Variants in TPCN1 observed in about 807,000 individuals in gnomAD.
TPCN1 encodes the protein two pore channel protein 1.
In TPCN1, 52 loss-of-function variants were observed where a neutral mutation model predicts 108.8. That is an observed-to-expected ratio of 0.48 (90% CI 0.38 to 0.60). TPCN1 has a LOEUF of 0.60. TPCN1 is among the 20% of genes least tolerant of loss of function. The pLI is 0.00. For missense variants in TPCN1, 806 were observed against 1,072.8 expected, an observed-to-expected ratio of 0.75 and a Z score of 3.47; for synonymous variants, 446 against 433.7, an observed-to-expected ratio of 1.03 and a Z score of -0.35.
chr12:113,287,186 A>G (rs1231184991), intron 19 of TPCN1, 92 bp downstream of exon 19: 2 of 1,086,510 alleles, frequency 1.8e-6, no homozygotes, highest in African/African-American at 3.1e-5. Context: ...AGAATGAGCC[A>G]GAAGGTTCAC....
At chr12:113,225,624 G>A (rs954417034) in intron 1 of TPCN1, among the ~76,000 whole-genome samples, 2 of 151,678 alleles carry the variant, frequency 1.3e-5, no homozygotes, top group Admixed American at 6.6e-5. Flanking sequence ...GCTCTATCTC[G>A]GTTCACTGCA....
intron 12 of TPCN1, 74 bp from the exon 13 acceptor site, chr12:113,278,115 A>T: frequency 1.5e-6 from 2 of 1,330,776 alleles, no homozygotes; most frequent in South Asian, 2.4e-5. Context: ...GTCCATAGGC[A>T]GGCAAGTAAG....
At position 113,226,797 on chromosome 12, in the gene TPCN1, C is replaced by G; in HGVS notation, c.-56C>G. On this transcript the variant is annotated 5_prime_UTR_variant, in exon 2 of 28. Coordinates refer to ENST00000335509, the MANE Select transcript of TPCN1 (RefSeq NM_017901.6). ...AGTGGCTTTGAAAGGGAGCTCAAAC[C>G]AGAGACTATTTCAAGCCCTGGATAT... The G allele has an allele frequency of 6.2e-7, 1 of 1,611,746 alleles. No individual in the cohort carries two copies. Among genetic ancestry groups the G allele is most frequent in the South Asian group, 1.1e-5 (1 of 90,568 alleles).
chr12:113,265,640 G>A (rs1028551142), intron 3 of TPCN1, among the ~76,000 whole-genome samples: 5 of 150,532 alleles, frequency 3.3e-5, no homozygotes, highest in Admixed American at 2.0e-4. Flanking sequence ...TTGACCTCCC[G>A]GGCTCAAGTG....
chr12:113,277,628 G>A (rs1955719958), intron 12 of TPCN1, among the ~76,000 whole-genome samples: 1 of 152,152 alleles, frequency 6.6e-6, no homozygotes, highest in Non-Finnish European at 1.5e-5. Flanking sequence ...GCTGGCCCTC[G>A]AACCCCCAGT....
chr12:113,227,435 G>A (rs1303564665), intron 2 of TPCN1, among the ~76,000 whole-genome samples: 1 of 152,190 alleles, frequency 6.6e-6, no homozygotes, highest in East Asian at 1.9e-4. Flanking sequence ...GCGGGGAAGA[G>A]GGCGAGTGTT....
chr12:113,249,447 C>G (rs565633992), intron 2 of TPCN1: 1 of 152,216 alleles, frequency 6.6e-6, no homozygotes, highest in Non-Finnish European at 1.5e-5. Flanking sequence ...CTAGACCTGG[C>G]GCTGTAACCA....
intron 2 of TPCN1, among the ~76,000 whole-genome samples, chr12:113,244,060 C>T (rs955163644): frequency 2.0e-5 from 3 of 152,248 alleles, no homozygotes; most frequent in African/African-American, 7.2e-5. Flanking sequence ...TGCCCCATCC[C>T]CTGCCAGTTC....
intron 17 of TPCN1, among the ~76,000 whole-genome samples, chr12:113,285,383 T>C (rs1956035796): frequency 8.3e-6 from 1 of 121,148 alleles, no homozygotes. Flanking sequence ...TTCTCTCTCT[T>C]TTTTTGGGGC....
At chr12:113,282,949 C>T (rs565806231) in intron 15 of TPCN1, among the ~76,000 whole-genome samples, 19 of 151,856 alleles carry the variant, frequency 1.3e-4, no homozygotes, top group African/African-American at 4.3e-4. Context: ...TAGCCATGCA[C>T]GCCTGTGGTC....
rs2136743033 is a variant in TPCN1, at chr12:113,288,074, G to A, written c.1635-89G>A. On this transcript the variant is annotated intron_variant, in intron 19 of 27. Transcript: ENST00000335509. This position sits in a 1 kb window ranked among gnomAD's most constrained non-coding sequence, Gnocchi z 4.8. ...GGCCCTCACCTGTCTTCACCGCATG[G>A]CGTGTGGAAGGCGGGGCCGGCATGT... The A allele has an allele frequency of 1.5e-6, 2 of 1,297,410 alleles. No individual in the cohort carries two copies. Among genetic ancestry groups the A allele is most frequent in the Admixed American group, 1.9e-5 (1 of 53,470 alleles). The allele number at this position is 1,297,410 out of a possible 1,614,324, so 80.4% of individuals were successfully genotyped here. A position where few individuals can be genotyped will look rare whatever the true frequency, so the allele number is the denominator to read the frequency against.
In TPCN1 at chr12:113,268,744, C is replaced by T. The variant is rs1462177300; in HGVS notation, c.531C>T (p.Thr177=). 1 of 1,613,460 alleles carries T rather than the reference C, an allele frequency of 6.2e-7. No individual in the cohort carries two copies. Residue 177 remains threonine (T), a splice_region_variant and synonymous_variant, in exon 6 of 28, where the codon ACC becomes ACT. Coordinates refer to ENST00000335509, the MANE Select transcript of TPCN1 (RefSeq NM_017901.6). This position sits in a 1 kb window ranked among gnomAD's most constrained non-coding sequence, Gnocchi z 7.3. ...FIRHKRTMVK[T]SVLVVQFVEA... is the part of the protein sequence containing the mutation. ...TGCTCCATGCCTGCCACCCACAGAC[C>T]TCGGTGCTGGTGGTGCAGTTTGTCG...
intron 2 of TPCN1, among the ~76,000 whole-genome samples, chr12:113,243,199 A>T (rs943725634): frequency 6.6e-6 from 1 of 151,412 alleles, no homozygotes; most frequent in Admixed American, 6.6e-5. Flanking sequence ...GTGAAACCCC[A>T]TCTCTACTAA....
In TPCN1 at chr12:113,232,410, C is replaced by T. The variant is rs780510869; in HGVS notation, c.112+5446C>T. On this transcript the variant is annotated intron_variant, in intron 2 of 27. Transcript: ENST00000335509. This position sits in a 1 kb window ranked among gnomAD's most constrained non-coding sequence, Gnocchi z 5.6. The stretch of plus-strand genomic sequence containing the variant: ...GTCAAGGTGGGCCAGAGCTGTTGGC[C>T]GCAGGGCCGCCGTAGCCAGGAGGAG... 2.6e-5 allele frequency among the ~76,000 whole-genome samples: 4 copies of T among 152,240 alleles called. No individual in the cohort carries two copies. The highest frequency in any genetic ancestry group is 2.1e-4 in the South Asian group (1 of 4,838).
chr12:113,270,807 T>C (rs1262656301), intron 7 of TPCN1, among the ~76,000 whole-genome samples: 1 of 152,080 alleles, frequency 6.6e-6, no homozygotes, highest in African/African-American at 2.4e-5. Flanking sequence ...GGGGCACTAA[T>C]CCCATTCGGG....
intron 1 of TPCN1, among the ~76,000 whole-genome samples, chr12:113,226,354 C>T (rs1408589470): frequency 1.3e-5 from 2 of 152,200 alleles, no homozygotes; most frequent in Non-Finnish European, 2.9e-5. Context: ...GATCTCTGCT[C>T]ACTGCAGCTT....
Position 113,273,599 on chromosome 12 carries a change from C to G in TPCN1, c.873C>G (p.Ser291=). 3.1e-6 allele frequency: 5 copies of G among 1,614,198 alleles called. No homozygotes were observed. The highest frequency in any genetic ancestry group is 4.2e-6 in the Non-Finnish European group (5 of 1,180,022). Reference sequence around the variant, plus strand: ...CAGATGTGATGATGCCCTCCTACTCCCGGAACCCCTGGTCCTGCGTCTTCT... The same window carrying G: ...CAGATGTGATGATGCCCTCCTACTCGCGGAACCCCTGGTCCTGCGTCTTCT... ...NFPDVMMPSY[S]RNPWSCVFFI... Residue 291 remains serine, a synonymous_variant, in exon 10 of 28, where the codon TCC becomes TCG. Coordinates refer to ENST00000335509, the MANE Select transcript of TPCN1 (RefSeq NM_017901.6). The surrounding 1 kb of genome is among the most constrained non-coding windows in gnomAD (Gnocchi z 4.0).
chr12:113,272,579 A>C lies in TPCN1; in HGVS notation c.749-79A>C. 1 of 1,316,314 alleles carries C rather than the reference A, an allele frequency of 7.6e-7. No individual in the cohort carries two copies. The allele number at this position is 1,316,314 out of a possible 1,614,324, so 81.5% of individuals were successfully genotyped here. On this transcript the variant is annotated intron_variant, in intron 7 of 27. Transcript: ENST00000335509. The surrounding 1 kb of genome is among the most constrained non-coding windows in gnomAD (Gnocchi z 4.1). ...TGACCTGCTGCGTTCATTTGCATGT[A>C]TTTGTCCAGTCCTTTTGACACCAGG...
chr12:113,295,442 C>CT (rs1163674539), intron 27 of TPCN1, among the ~76,000 whole-genome samples: 2 of 99,966 alleles, frequency 2.0e-5, no homozygotes, highest in African/African-American at 5.2e-5. Context: ...TCTCTGTCTC[C>CT]TAAAAAAAAA....
Sources: gnomAD v4.1 joint callset for allele counts (sites outside exome capture counted in the v4.1 genomes callset) on GRCh38, gnomAD v4.1.1 for gene constraint, Gnocchi (gnomAD v3.1) non-coding constraint, MANE v1.5 for transcripts, NCBI Gene and HGNC (gene_info 2026-07-23, HGNC 2026-07-21) for gene names.